Variants in DPYD observed in about 807,000 individuals in gnomAD.
DPYD encodes dihydropyrimidine dehydrogenase [NADP(+)].
A neutral mutation model predicts 116.2 loss-of-function variants in DPYD; 109 were observed. The observed-to-expected ratio is 0.94, with a 90% confidence interval of 0.80 to 1.10. The LOEUF (loss-of-function observed/expected upper bound fraction) is 1.10. Ranked by LOEUF, DPYD falls within the 50% of genes least tolerant of loss-of-function variation. The pLI, the probability that DPYD is intolerant of heterozygous loss-of-function variation, is 0.00. For missense variants in DPYD, 1,302 were observed against 1,254.5 expected, an observed-to-expected ratio of 1.04 and a Z score of -0.57; for synonymous variants, 440 against 432.0, an observed-to-expected ratio of 1.02 and a Z score of -0.23.
At chr1:97,303,932 T>TAA (rs1667011969) in intron 18 of DPYD, among the ~76,000 whole-genome samples, 1 of 152,026 alleles carries the variant, frequency 6.6e-6, no homozygotes, top group Non-Finnish European at 1.5e-5. Context: ...TTCCAGTGTG[T>TAA]GTATGCTTAA....
At chr1:97,283,834 T>C (rs141629254) in intron 18 of DPYD, among the ~76,000 whole-genome samples, 227 of 152,268 alleles carry the variant, frequency 1.5e-3, no homozygotes, top group African/African-American at 5.4e-3. Flanking sequence ...GTGTCTACTG[T>C]ACAGTGGAAC....
chr1:97,670,063 A>G (rs139862120), intron 8 of DPYD, among the ~76,000 whole-genome samples: 8 of 152,296 alleles, frequency 5.3e-5, no homozygotes, highest in Admixed American at 1.3e-4. Flanking sequence ...GTAGTCTTGA[A>G]TTCTCCACAT....
intron 18 of DPYD, among the ~76,000 whole-genome samples, chr1:97,248,303 C>A (rs572193058): frequency 7.9e-5 from 12 of 152,258 alleles, no homozygotes; most frequent in Admixed American, 6.5e-4. Flanking sequence ...GTCTTTCCTG[C>A]GCTGTTCTTG....
intron 2 of DPYD, among the ~76,000 whole-genome samples, chr1:97,842,433 T>C (rs1670080968): frequency 6.6e-6 from 1 of 151,972 alleles, no homozygotes; most frequent in Non-Finnish European, 1.5e-5. Context: ...CTAGGTGGCA[T>C]TCAAGTTGAT....
chr1:97,323,912 G>T (rs990298581), intron 16 of DPYD, among the ~76,000 whole-genome samples: 12 of 151,728 alleles, frequency 7.9e-5, no homozygotes, highest in Admixed American at 4.0e-4. Context: ...TGAAAAGAGG[G>T]TCTTACTCTT....
At chr1:97,324,473 G>A (rs769352631) in intron 16 of DPYD, among the ~76,000 whole-genome samples, 2 of 152,014 alleles carry the variant, frequency 1.3e-5, no homozygotes, top group African/African-American at 2.4e-5. Context: ...TTTACGGCAG[G>A]TGTATGCCAA....
chr1:97,313,670 G>T (rs1318478175), intron 16 of DPYD, among the ~76,000 whole-genome samples: 1 of 151,230 alleles, frequency 6.6e-6, no homozygotes, highest in Non-Finnish European at 1.5e-5. Context: ...TTCATTTTTT[G>T]TCCCTTGAAT....
intron 13 of DPYD, among the ~76,000 whole-genome samples, chr1:97,483,659 T>A (rs932761462): frequency 1.3e-5 from 2 of 152,026 alleles, no homozygotes; most frequent in Admixed American, 1.3e-4. Flanking sequence ...AAAAAAAATT[T>A]AAAAAAAGAG....
chr1:97,471,922 G>C (rs1677685231), intron 13 of DPYD, among the ~76,000 whole-genome samples: 1 of 152,168 alleles, frequency 6.6e-6, no homozygotes, highest in South Asian at 2.1e-4. Context: ...GTTTGAAGTA[G>C]TGCCTTCAGT....
At chr1:97,783,422 A>C (rs1359768408) in intron 3 of DPYD, among the ~76,000 whole-genome samples, 2 of 151,392 alleles carry the variant, frequency 1.3e-5, no homozygotes, top group African/African-American at 4.9e-5. Context: ...TTTGAGACAG[A>C]GTCTTGCTGT....
intron 8 of DPYD, among the ~76,000 whole-genome samples, chr1:97,639,557 C>T (rs937783852): frequency 4.6e-5 from 7 of 152,006 alleles, no homozygotes; most frequent in African/African-American, 1.7e-4. Flanking sequence ...GTTTAATTTA[C>T]TAGAGGTTTT....
chr1:97,911,311 T>C (rs979022752), intron 1 of DPYD, among the ~76,000 whole-genome samples: 4 of 152,008 alleles, frequency 2.6e-5, no homozygotes, highest in Non-Finnish European at 5.9e-5. Context: ...ATGAAAGGGG[T>C]GATGGGCACT....
chr1:97,337,623 G>T (rs1381236263), intron 16 of DPYD, among the ~76,000 whole-genome samples: 1 of 150,708 alleles, frequency 6.6e-6, no homozygotes, highest in Non-Finnish European at 1.5e-5. Context: ...AAACTACCAG[G>T]GCTAAGTTGA....
chr1:97,216,147 G>A (rs1347203503), intron 19 of DPYD, among the ~76,000 whole-genome samples: 1 of 152,086 alleles, frequency 6.6e-6, no homozygotes, highest in Non-Finnish European at 1.5e-5. Context: ...ACAGTGAGAT[G>A]ACTTCTAACT....
At chr1:97,358,197 G>T (rs12402646) in intron 16 of DPYD, among the ~76,000 whole-genome samples, 8,305 of 152,286 alleles carry the variant, frequency 0.055, 317 homozygotes, top group East Asian at 0.17. Context: ...CCTTGCTTAT[G>T]GCTAGCGCAG....
At chr1:97,713,983 A>C (rs756255590) in intron 5 of DPYD, among the ~76,000 whole-genome samples, 1 of 152,128 alleles carries the variant, frequency 6.6e-6, no homozygotes, top group East Asian at 1.9e-4. Flanking sequence ...TTAGCTATAT[A>C]TATTAGTAAT....
At position 97,338,930 on chromosome 1, in the gene DPYD, GAGC is replaced by G. The variant is rs1354886039; in HGVS notation, c.2059-32636_2059-32634del. Among the ~76,000 whole-genome samples the G allele has an allele frequency of 4.6e-4, 70 of 152,236 alleles. 1 individual carries two copies. The highest frequency in any genetic ancestry group is 1.5e-3 in the African/African-American group (64 of 41,550). The stretch of plus-strand genomic sequence containing the variant: ...TGAACAGGTAGCTACTATTAAGGAA[GAGC>G]TAATGAATGAGACAGAGGAGAATGT... On this transcript the variant is annotated intron_variant, in intron 16 of 22. Coordinates refer to ENST00000370192, the MANE Select transcript of DPYD (RefSeq NM_000110.4).
chr1:97,603,164 G>A (rs184901606), intron 8 of DPYD, among the ~76,000 whole-genome samples: 110 of 152,044 alleles, frequency 7.2e-4, no homozygotes, highest in Non-Finnish European at 2.6e-4. Flanking sequence ...ATACGCCTCA[G>A]GCAAAGATTT....
chr1:97,730,970 T>C (rs1663570974), intron 4 of DPYD, among the ~76,000 whole-genome samples: 1 of 152,052 alleles, frequency 6.6e-6, no homozygotes, highest in South Asian at 2.1e-4. Context: ...ATCTTTAAGT[T>C]TGAGAAATTA....
Sources: allele counts gnomAD v4.1 joint callset (sites outside exome capture counted in the v4.1 genomes callset), GRCh38; gene constraint gnomAD v4.1.1; transcripts MANE v1.5; gene names NCBI Gene and HGNC (gene_info 2026-07-23, HGNC 2026-07-21).